Variants in CACNB4 observed in about 807,000 individuals in gnomAD.
CACNB4 encodes the protein calcium voltage-gated channel auxiliary subunit beta 4.
A neutral mutation model predicts 71.2 loss-of-function variants in CACNB4; 32 were observed. That is an observed-to-expected ratio of 0.45 (90% confidence interval 0.34 to 0.60). The LOEUF is 0.60. Ranked by LOEUF, CACNB4 falls within the 20% of genes least tolerant of loss-of-function variation. The probability of loss-of-function intolerance (pLI) is 0.01; values close to 1 mark genes in which losing one functional copy is unlikely to be tolerated. For synonymous variants in CACNB4, 231 were observed against 236.9 expected, an observed-to-expected ratio of 0.97 and a Z score of 0.23; for missense variants, 464 against 647.9, an observed-to-expected ratio of 0.72 and a Z score of 3.08.
intron 2 of CACNB4, among the ~76,000 whole-genome samples, chr2:152,019,858 T>C (rs1223140826): frequency 6.6e-6 from 1 of 152,168 alleles, no homozygotes; most frequent in Non-Finnish European, 1.5e-5. Context: ...CTCACACAAC[T>C]GAGACAGGCA....
intron 2 of CACNB4, among the ~76,000 whole-genome samples, chr2:152,027,541 CTT>C (rs769696795): frequency 3.7e-4 from 57 of 152,328 alleles, no homozygotes; most frequent in Non-Finnish European, 5.1e-4. Context: ...TGTGCTACCT[CTT>C]TGGCTCCAGT....
At chr2:151,889,465 CA>C (rs55990443) in intron 2 of CACNB4, among the ~76,000 whole-genome samples, 48,769 of 94,570 alleles carry the variant, frequency 0.52, 10,643 homozygotes, top group Non-Finnish European at 0.63. Flanking sequence ...GACTCTGTCT[CA>C]AAAAAAAAAA....
At position 151,909,755 on chromosome 2, in the gene CACNB4, C is replaced by A. The variant is rs554979624; in HGVS notation, c.148-26385G>T. ...ATGATCTCATTCCTTTTTATGGCTGCATAGTATCCCATGGTGGATACGTAC... is the reference window on the plus strand; with the variant it reads ...ATGATCTCATTCCTTTTTATGGCTGAATAGTATCCCATGGTGGATACGTAC... On this transcript the variant is annotated intron_variant, in intron 2 of 13. Transcript: ENST00000539935. 2.6e-5 allele frequency among the ~76,000 whole-genome samples: 4 copies of A among 152,284 alleles called. No individual in the cohort carries two copies. In the East Asian group the frequency reaches 7.7e-4, roughly 29 times the overall value.
chr2:151,896,438 G>A (rs1310935843), intron 2 of CACNB4, among the ~76,000 whole-genome samples: 1 of 152,170 alleles, frequency 6.6e-6, no homozygotes, highest in African/African-American at 2.4e-5. Context: ...CCTACCCCTA[G>A]CTTCCTCCAC....
At chr2:151,987,801 G>A (rs1041314029) in intron 2 of CACNB4, among the ~76,000 whole-genome samples, 6 of 152,078 alleles carry the variant, frequency 3.9e-5, no homozygotes, top group Non-Finnish European at 7.4e-5. Flanking sequence ...TCACAGTTTC[G>A]ATGCGACCCA....
rs1319591186 is a variant in CACNB4, at chr2:152,098,767, G to A, written c.63+182C>T. The stretch of plus-strand genomic sequence containing the variant: ...GGGTGAGGAGGAGGAGGAAGAGAAG[G>A]AGGAGAAAGAGGAGGAGCGGGAGGA... On this transcript the variant is annotated intron_variant, in intron 1 of 13. Transcript: ENST00000539935. The surrounding 1 kb of genome is among the most constrained non-coding windows in gnomAD (Gnocchi z 5.3). The A allele has an allele frequency of 1.5e-6, 2 of 1,320,768 alleles. No homozygotes were observed. Among genetic ancestry groups the A allele is most frequent in the African/African-American group, 1.5e-5 (1 of 67,946 alleles). The allele number at this position is 1,320,768 out of a possible 1,614,324, so 81.8% of individuals were successfully genotyped here. A position where few individuals can be genotyped will look rare whatever the true frequency, so the allele number is the denominator to read the frequency against.
At chr2:152,072,412 A>G (rs1686745379) in intron 2 of CACNB4, among the ~76,000 whole-genome samples, 1 of 152,240 alleles carries the variant, frequency 6.6e-6, no homozygotes, top group Non-Finnish European at 1.5e-5. Flanking sequence ...TATGAAAAGC[A>G]ATTTAAGAGT....
chr2:151,842,730 T>A (rs1671516785), intron 12 of CACNB4, among the ~76,000 whole-genome samples: 1 of 152,168 alleles, frequency 6.6e-6, no homozygotes, highest in African/African-American at 2.4e-5. Context: ...TCTTTAGCCA[T>A]GTATTCCTAT....
chr2:152,050,859 C>T (rs577765774), intron 2 of CACNB4, among the ~76,000 whole-genome samples: 2 of 152,156 alleles, frequency 1.3e-5, no homozygotes, highest in East Asian at 1.9e-4. Context: ...GCCTCGATCT[C>T]GATCTACCGG....
chr2:151,838,211 G>A lies in CACNB4; in HGVS notation c.*908C>T, dbSNP rs554995802. 9.8e-5 allele frequency: 15 copies of A among 152,670 alleles called. No homozygotes were observed. Among genetic ancestry groups the A allele is most frequent in the Non-Finnish European group, 1.8e-4 (12 of 67,996 alleles). The allele number at this position is 152,670 out of a possible 1,614,324, so 9.5% of individuals were successfully genotyped here. On this transcript the variant is annotated 3_prime_UTR_variant, in exon 14 of 14. Transcript: ENST00000539935. ...CTTACTATCTGACTTCAGATTCCTG[G>A]ATGTATGTAGTTGTGCTCAGATTGA...
chr2:152,094,649 T>C (rs977921448), intron 2 of CACNB4, among the ~76,000 whole-genome samples: 2 of 152,222 alleles, frequency 1.3e-5, no homozygotes, highest in African/African-American at 4.8e-5. Flanking sequence ...CATGTCACCG[T>C]ACTGTTTGTA....
chr2:152,055,263 TG>T (rs1579211474), intron 2 of CACNB4, among the ~76,000 whole-genome samples: 1 of 152,164 alleles, frequency 6.6e-6, no homozygotes, highest in Non-Finnish European at 1.5e-5. Flanking sequence ...CGGCCTGCCT[TG>T]GCCTCCCAAA....
chr2:152,032,965 AT>A (rs200929296), intron 2 of CACNB4, among the ~76,000 whole-genome samples: 2 of 145,284 alleles, frequency 1.4e-5, no homozygotes, highest in Admixed American at 6.9e-5. Flanking sequence ...TAAAAAAAAA[AT>A]AAATAAATAA....
chr2:152,022,504 A>G (rs1404265024), intron 2 of CACNB4, among the ~76,000 whole-genome samples: 1 of 152,250 alleles, frequency 6.6e-6, no homozygotes, highest in Non-Finnish European at 1.5e-5. Context: ...TTTTTCTAAA[A>G]TTCCCTGGTT....
At chr2:151,922,096 T>G (rs1264992762) in intron 2 of CACNB4, among the ~76,000 whole-genome samples, 1 of 152,230 alleles carries the variant, frequency 6.6e-6, no homozygotes, top group South Asian at 2.1e-4. Context: ...CTCTCTCTTC[T>G]GCCTCCCTCT....
intron 2 of CACNB4, among the ~76,000 whole-genome samples, chr2:151,901,865 T>A (rs1187783873): frequency 6.6e-6 from 1 of 152,230 alleles, no homozygotes; most frequent in Non-Finnish European, 1.5e-5. Context: ...GCAAATTCTA[T>A]TACTTCATTA....
At chr2:151,902,032 C>CTTTTTT (rs70974804) in intron 2 of CACNB4, among the ~76,000 whole-genome samples, 2 of 130,228 alleles carry the variant, frequency 1.5e-5, no homozygotes, top group Admixed American at 1.6e-4. Context: ...ACAACATCAC[C>CTTTTTT]TTTTTTTTTT....
At position 151,889,243 on chromosome 2, in the gene CACNB4, C is replaced by T. The variant is rs542116975; in HGVS notation, c.148-5873G>A. ...CAGCATTTTGGGAGGCCGAGGCAGA[C>T]GGATCACCTGAGGTCAGGAGTTCAA... On this transcript the variant is annotated intron_variant, in intron 2 of 13. Coordinates refer to ENST00000539935, the MANE Select transcript of CACNB4 (RefSeq NM_000726.5). Among the ~76,000 whole-genome samples the T allele has an allele frequency of 1.5e-3, 228 of 151,826 alleles. 1 individual carries two copies. Among genetic ancestry groups the T allele is most frequent in the Non-Finnish European group, 7.2e-4 (49 of 67,900 alleles).
intron 2 of CACNB4, among the ~76,000 whole-genome samples, chr2:152,080,476 T>C (rs921200532): frequency 2.6e-5 from 4 of 152,182 alleles, no homozygotes; most frequent in African/African-American, 9.7e-5. Context: ...AGTTTCTCTC[T>C]AGTTTCAGGG....
Sources: allele counts gnomAD v4.1 joint callset (sites outside exome capture counted in the v4.1 genomes callset), GRCh38; gene constraint gnomAD v4.1.1; non-coding constraint Gnocchi (gnomAD v3.1); transcripts MANE v1.5; gene names NCBI Gene and HGNC (gene_info 2026-07-23, HGNC 2026-07-21).